The following ARHGAP11B variants were observed in gnomAD, a reference collection of about 807,000 sequenced individuals.
ARHGAP11B encodes the protein inactive Rho GTPase-activating protein 11B.
Under a neutral mutation model 27.6 loss-of-function variants are expected in ARHGAP11B, and 14 were observed. The ratio of observed to expected loss-of-function variants is 0.51; its 90% confidence interval spans 0.34 to 0.79. The LOEUF (loss-of-function observed/expected upper bound fraction) is 0.79. Ranked by LOEUF, ARHGAP11B falls within the 30% of genes least tolerant of loss-of-function variation. The pLI is 0.02. For missense variants in ARHGAP11B, 245 were observed against 320.1 expected (o/e 0.77, Z 1.79); for synonymous variants, 82 against 114.1 (o/e 0.72, Z 1.80).
At chr15:30,646,487 T>C (rs531175130) in intron 9 of ARHGAP11B, among the ~76,000 whole-genome samples, 1 of 152,116 alleles carries the variant, frequency 6.6e-6, no homozygotes, top group South Asian at 2.1e-4. Flanking sequence ...TTTTGAACTT[T>C]CTGTTGTTGT....
At chr15:30,648,100 A>G (rs374585908) in intron 10 of ARHGAP11B, among the ~76,000 whole-genome samples, 2 of 152,118 alleles carry the variant, frequency 1.3e-5, no homozygotes, top group South Asian at 2.1e-4. Context: ...CGCCAGGCTA[A>G]CTGTTACTGT....
chr15:30,629,019 C>T (rs2060227065), intron 1 of ARHGAP11B, among the ~76,000 whole-genome samples: 1 of 151,926 alleles, frequency 6.6e-6, no homozygotes. Flanking sequence ...AAGGGGTTGC[C>T]CATACTAACA....
chr15:30,629,462 G>A (rs1006288783), intron 1 of ARHGAP11B, among the ~76,000 whole-genome samples: 2 of 152,034 alleles, frequency 1.3e-5, no homozygotes, highest in African/African-American at 4.8e-5. Context: ...GCTGAGGCAG[G>A]AGAATGGGTG....
intron 6 of ARHGAP11B, among the ~76,000 whole-genome samples, chr15:30,636,468 C>T (rs899850662): frequency 1.3e-5 from 2 of 152,020 alleles, no homozygotes; most frequent in African/African-American, 4.8e-5. Context: ...AATTTATTAT[C>T]TTTTGAATAT....
chr15:30,636,424 A>G lies in ARHGAP11B; in HGVS notation c.*3+791A>G, dbSNP rs555336669. Among the ~76,000 whole-genome samples the G allele has an allele frequency of 6.2e-4, 95 of 152,146 alleles. 2 individuals are homozygous for G. Among genetic ancestry groups the G allele is most frequent in the Non-Finnish European group, 1.2e-3 (82 of 67,948 alleles). ...AACTTGCAATCTCCTTGATCAAGAA[A>G]TCAGAGGCCATTATTCTTCCAATTA... On this transcript the variant is annotated intron_variant, in intron 6 of 10. Transcript: ENST00000428041.
At chr15:30,628,002 C>T (rs890258469) in intron 1 of ARHGAP11B, among the ~76,000 whole-genome samples, 1 of 151,020 alleles carries the variant, frequency 6.6e-6, no homozygotes, top group Non-Finnish European at 1.5e-5. Flanking sequence ...TTTCCAAGAT[C>T]TCAAATGTAG....
chr15:30,628,488 T>A (rs2060223745), intron 1 of ARHGAP11B, among the ~76,000 whole-genome samples: 1 of 152,070 alleles, frequency 6.6e-6, no homozygotes, highest in African/African-American at 2.4e-5. Context: ...GCTGCTTGTT[T>A]GATTTCCCTA....
intron 7 of ARHGAP11B, among the ~76,000 whole-genome samples, chr15:30,644,274 T>C (rs1455308199): frequency 6.6e-6 from 1 of 152,096 alleles, no homozygotes; most frequent in Non-Finnish European, 1.5e-5. Context: ...GTGTCTTTTA[T>C]ATTTTTGTAT....
At chr15:30,630,357 G>A (rs1321895262) in intron 1 of ARHGAP11B, among the ~76,000 whole-genome samples, 2 of 151,866 alleles carry the variant, frequency 1.3e-5, no homozygotes, top group South Asian at 4.1e-4. Context: ...ATAGTGTTTT[G>A]GGGTAAATGT....
intron 9 of ARHGAP11B, among the ~76,000 whole-genome samples, chr15:30,647,276 G>A (rs1439628589): frequency 6.6e-6 from 1 of 151,808 alleles, no homozygotes; most frequent in African/African-American, 2.4e-5. Context: ...CAGAGTTTTT[G>A]GAGTCATCCT....
intron 10 of ARHGAP11B, among the ~76,000 whole-genome samples, chr15:30,647,970 T>C (rs2060361556): frequency 1.3e-5 from 2 of 152,126 alleles, no homozygotes; most frequent in South Asian, 4.1e-4. Flanking sequence ...TCTTGTTTTT[T>C]TATTTTCATA....
At chr15:30,626,459 G>C (rs1160305554) in exon 1 of ARHGAP11B, 1 of 258,532 alleles carries the variant, frequency 3.9e-6, no homozygotes, top group Non-Finnish European at 7.4e-6. Context: ...AAGGGGGATC[G>C]TTGGAAGTAG....
At chr15:30,645,001 G>A (rs1166754508) in intron 8 of ARHGAP11B, among the ~76,000 whole-genome samples, 1 of 151,828 alleles carries the variant, frequency 6.6e-6, no homozygotes, top group African/African-American at 2.4e-5. Flanking sequence ...CATAGAGCTG[G>A]TTGAATTTCC....
At chr15:30,630,878 A>G in intron 2 of ARHGAP11B, 105 bp downstream of exon 2, 1 of 1,589,238 alleles carries the variant, frequency 6.3e-7, no homozygotes, top group Non-Finnish European at 8.6e-7. Flanking sequence ...CCGGGAGCTT[A>G]AGACCAGCCT....
intron 6 of ARHGAP11B, among the ~76,000 whole-genome samples, chr15:30,636,930 C>T (rs1198225452): frequency 2.0e-5 from 3 of 151,648 alleles, no homozygotes; most frequent in East Asian, 3.9e-4. Context: ...TCTGTAAAGA[C>T]ACGAATTCCA....
At chr15:30,633,693 A>G in intron 3 of ARHGAP11B, 107 bp downstream of exon 3, 1 of 927,876 alleles carries the variant, frequency 1.1e-6, no homozygotes, top group Non-Finnish European at 1.5e-6. Flanking sequence ...CAGAAATTGA[A>G]TTTGCATTTT....
At chr15:30,630,297 G>T (rs1332229947) in intron 1 of ARHGAP11B, among the ~76,000 whole-genome samples, 3 of 152,016 alleles carry the variant, frequency 2.0e-5, no homozygotes, top group Admixed American at 2.0e-4. Context: ...TTTATAAGGT[G>T]ACCAAAAGAA....
intron 1 of ARHGAP11B, 65 bp from the exon 2 acceptor site, chr15:30,630,638 A>G: frequency 2.6e-6 from 4 of 1,556,726 alleles, no homozygotes; most frequent in South Asian, 1.2e-5. Flanking sequence ...TAATTTGCCT[A>G]AAGTTTAAGA....
chr15:30,642,576 A>C (rs2060322007), intron 7 of ARHGAP11B, among the ~76,000 whole-genome samples: 1 of 151,998 alleles, frequency 6.6e-6, no homozygotes, highest in Non-Finnish European at 1.5e-5. Context: ...TTATAATACC[A>C]TTAATTAGTA....
Sources: allele counts gnomAD v4.1 joint callset (sites outside exome capture counted in the v4.1 genomes callset), GRCh38; gene constraint gnomAD v4.1.1; transcripts MANE v1.5; gene names NCBI Gene and HGNC (gene_info 2026-07-23, HGNC 2026-07-21).